ARHGEF3: variants seen among roughly 807,000 people sequenced by gnomAD.
ARHGEF3 encodes the protein Rho guanine nucleotide exchange factor 3.
In ARHGEF3, 28 loss-of-function variants were observed where a neutral mutation model predicts 63.2. The observed-to-expected ratio is 0.44, with a 90% CI of 0.33 to 0.61. The LOEUF is 0.61. ARHGEF3 is among the 20% of genes least tolerant of loss of function. The pLI is 0.03. For synonymous variants in ARHGEF3, 266 were observed against 254.2 expected, an observed-to-expected ratio of 1.05 and a Z score of -0.44; for missense variants, 533 against 659.3, an observed-to-expected ratio of 0.81 and a Z score of 2.10.
intron 3 of ARHGEF3, among the ~76,000 whole-genome samples, chr3:56,946,305 A>T (rs1699495066): frequency 6.6e-6 from 1 of 152,240 alleles, no homozygotes; most frequent in East Asian, 1.9e-4. Context: ...TGAGAGAAGA[A>T]GGCTTCAGAA....
intron 3 of ARHGEF3, among the ~76,000 whole-genome samples, chr3:56,911,889 T>C (rs1018919707): frequency 6.6e-6 from 1 of 151,568 alleles, no homozygotes; most frequent in Admixed American, 6.6e-5. Context: ...GCTATGATCA[T>C]GCCACTGCAC....
chr3:56,808,502 A>T (rs1303867262), intron 4 of ARHGEF3, among the ~76,000 whole-genome samples: 1 of 152,094 alleles, frequency 6.6e-6, no homozygotes, highest in Non-Finnish European at 1.5e-5. Context: ...AGGTGGGAGG[A>T]TCCCTTGAGC....
At chr3:56,867,801 G>A (rs138736293) in intron 4 of ARHGEF3, among the ~76,000 whole-genome samples, 197 of 152,300 alleles carry the variant, frequency 1.3e-3, no homozygotes, top group African/African-American at 4.3e-3. Context: ...GTGGGACAGA[G>A]GAAGTCTAAG....
chr3:56,775,597 T>A, intron 1 of ARHGEF3: 1 of 984,898 alleles, frequency 1.0e-6, no homozygotes. Context: ...TCTCCCAAGA[T>A]GAAAGCCATT....
chr3:56,905,556 G>A (rs552400125), intron 3 of ARHGEF3, among the ~76,000 whole-genome samples: 6 of 152,228 alleles, frequency 3.9e-5, no homozygotes, highest in African/African-American at 1.2e-4. Flanking sequence ...CAGCCTACAC[G>A]CATAAGAGAC....
At chr3:57,050,518 G>A (rs1208474234) in intron 1 of ARHGEF3, among the ~76,000 whole-genome samples, 1 of 152,136 alleles carries the variant, frequency 6.6e-6, no homozygotes, top group Non-Finnish European at 1.5e-5. Context: ...GAACTGGGGG[G>A]ATGAATTGGG....
At chr3:56,951,058 T>A (rs1261917075) in intron 3 of ARHGEF3, among the ~76,000 whole-genome samples, 7 of 151,352 alleles carry the variant, frequency 4.6e-5, no homozygotes, top group Non-Finnish European at 1.0e-4. Context: ...ATGTTCTCAC[T>A]CATAGGTGGG....
intron 4 of ARHGEF3, among the ~76,000 whole-genome samples, chr3:56,837,103 TG>T: frequency 6.6e-6 from 1 of 152,286 alleles, no homozygotes; most frequent in African/African-American, 2.4e-5. Flanking sequence ...GATAATCAAA[TG>T]GTTTCCTAAA....
chr3:57,072,861 A>G (rs1371818841), intron 1 of ARHGEF3, among the ~76,000 whole-genome samples: 1 of 152,116 alleles, frequency 6.6e-6, no homozygotes, highest in Non-Finnish European at 1.5e-5. Context: ...CCTGGCCAAG[A>G]TGGTGAAACC....
At chr3:56,755,202 G>C (rs1204937975) in intron 2 of ARHGEF3, 51 bp from the exon 3 acceptor site, 14 of 1,576,738 alleles carry the variant, frequency 8.9e-6, no homozygotes, top group Non-Finnish European at 1.2e-5. Flanking sequence ...AGGACTGGGT[G>C]GATCTTTGAG....
At chr3:57,035,032 G>A (rs528493132) in intron 2 of ARHGEF3, 65 of 1,382,582 alleles carry the variant, frequency 4.7e-5, no homozygotes, top group Non-Finnish European at 6.4e-5. Flanking sequence ...TCATTTAATT[G>A]TTGCATACAG....
intron 3 of ARHGEF3, among the ~76,000 whole-genome samples, chr3:56,945,610 T>C (rs1300726160): frequency 6.6e-6 from 1 of 151,990 alleles, no homozygotes; most frequent in African/African-American, 2.4e-5. Flanking sequence ...GATGCTTGAG[T>C]AGGTAAACAA....
intron 1 of ARHGEF3, chr3:57,078,855 CT>C (rs1706335311): frequency 5.4e-6 from 1 of 184,068 alleles, no homozygotes; most frequent in South Asian, 2.0e-4. Context: ...TGGCACCTCC[CT>C]CCCCGGAAGT....
At chr3:56,749,963 T>G (rs1028566388) in intron 6 of ARHGEF3, among the ~76,000 whole-genome samples, 3 of 151,720 alleles carry the variant, frequency 2.0e-5, no homozygotes, top group Non-Finnish European at 4.4e-5. Context: ...TTAGGAAGAT[T>G]AAAATGCAGA....
At chr3:56,789,020 A>ATGCTGC (rs34620976) in intron 1 of ARHGEF3, among the ~76,000 whole-genome samples, 6,816 of 149,194 alleles carry the variant, frequency 0.046, 310 homozygotes, top group East Asian at 0.26. Context: ...TTCAAGATAG[A>ATGCTGC]TGCTGCTGCT....
chr3:56,977,922 C>T (rs980719886), intron 2 of ARHGEF3, among the ~76,000 whole-genome samples: 1 of 152,160 alleles, frequency 6.6e-6, no homozygotes, highest in South Asian at 2.1e-4. Context: ...GGTGCTGGGA[C>T]TGTCAAAAGA....
chr3:57,034,561 G>A (rs1703870300), intron 2 of ARHGEF3, among the ~76,000 whole-genome samples: 1 of 151,826 alleles, frequency 6.6e-6, no homozygotes, highest in Admixed American at 6.6e-5. Context: ...CATACTGAAT[G>A]GCATTCCTCC....
chr3:56,930,302 T>C (rs1257238724), intron 3 of ARHGEF3, among the ~76,000 whole-genome samples: 2 of 152,144 alleles, frequency 1.3e-5, no homozygotes, highest in Non-Finnish European at 2.9e-5. Context: ...TAAGCAACAA[T>C]AGTTGCATGA....
intron 1 of ARHGEF3, among the ~76,000 whole-genome samples, chr3:56,782,410 T>A (rs1222655491): frequency 1.3e-5 from 2 of 152,226 alleles, no homozygotes; most frequent in Admixed American, 6.5e-5. Context: ...GCAAGCTTTG[T>A]GGACTTTGAC....
Sources: gnomAD v4.1 joint callset for allele counts (sites outside exome capture counted in the v4.1 genomes callset) on GRCh38, gnomAD v4.1.1 for gene constraint, MANE v1.5 for transcripts, NCBI Gene and HGNC (gene_info 2026-07-23, HGNC 2026-07-21) for gene names.